Variants in MYB observed in about 807,000 individuals in gnomAD.
The protein encoded by MYB is MYB proto-oncogene, transcription factor.
MYB carries 28 observed loss-of-function variants against 92.9 expected under a neutral mutation model. The ratio of observed to expected loss-of-function variants is 0.30; its 90% CI spans 0.22 to 0.41. MYB has a LOEUF of 0.41. MYB is among the 10% of genes least tolerant of loss of function. The pLI is 1.00. For missense variants in MYB, 679 were observed against 929.3 expected (o/e 0.73, Z 3.50); for synonymous variants, 295 against 329.1 (o/e 0.90, Z 1.12).
chr6:135,207,397 G>A (rs1300231092), intron 15 of MYB, among the ~76,000 whole-genome samples: 1 of 152,142 alleles, frequency 6.6e-6, no homozygotes, highest in Non-Finnish European at 1.5e-5. Flanking sequence ...AATAACTTAG[G>A]TTCAAGAACA....
At chr6:135,203,169 C>A (rs1353067833) in intron 14 of MYB, 48 bp from the exon 15 acceptor site, 1 of 1,353,574 alleles carries the variant, frequency 7.4e-7, no homozygotes, top group Non-Finnish European at 1.1e-6. Context: ...ATGTGGCTCT[C>A]ATATTATCCA....
At chr6:135,215,253 C>A (rs1208722861) in intron 15 of MYB, among the ~76,000 whole-genome samples, 1 of 152,210 alleles carries the variant, frequency 6.6e-6, no homozygotes, top group Non-Finnish European at 1.5e-5. Flanking sequence ...AATTATGTTT[C>A]TTTGCTAAGA....
intron 15 of MYB, chr6:135,203,656 A>G: frequency 7.9e-7 from 1 of 1,263,166 alleles, no homozygotes; most frequent in Non-Finnish European, 1.1e-6. Context: ...TTTTATAAAA[A>G]TATATCAATA....
At chr6:135,195,509 T>C in intron 8 of MYB, 1 of 509,670 alleles carries the variant, frequency 2.0e-6, no homozygotes. Context: ...ATTTGACATT[T>C]TTACAAAATG....
intron 4 of MYB, 103 bp downstream of exon 4, chr6:135,189,986 T>G: frequency 7.2e-7 from 1 of 1,390,628 alleles, no homozygotes; most frequent in South Asian, 1.3e-5. Context: ...AAACAGGAAG[T>G]AGAGGACTCT....
At position 135,199,025 on chromosome 6, in the gene MYB, G is replaced by C. The variant is rs1431127651; in HGVS notation, c.1684G>C (p.Val562Leu). ...AACACCATTTCATAGAGACCAGACTGTGAAAACTCAAAAGGAAAATACTGT... is the reference window on the plus strand; with the variant it reads ...AACACCATTTCATAGAGACCAGACTCTGAAAACTCAAAAGGAAAATACTGT... ...VTTPFHRDQTVKTQKENTVFR... is the reference protein window; with the variant it reads ...VTTPFHRDQTLKTQKENTVFR... The change falls in exon 11 of 16, where the codon GTG (valine) becomes CTG (leucine). Residue 562 changes from valine to leucine, a missense_variant. By Grantham distance (32) the Val-to-Leu change is conservative (BLOSUM62 1). Around this residue, in one of 8 missense-constraint regions of MYB, gnomAD observed 402 missense variants for 434.2 expected, o/e 0.93. Transcript: ENST00000341911. The C allele has an allele frequency of 5.6e-6, 9 of 1,605,274 alleles. No individual in the cohort carries two copies. Among genetic ancestry groups the C allele is most frequent in the Non-Finnish European group, 7.7e-6 (9 of 1,176,364 alleles).
rs1777705433 is a variant in MYB, at chr6:135,199,001, A to G, written c.1660A>G (p.Thr554Ala). Reference protein sequence around the residue: ...PLIGHKLTVTTPFHRDQTVKT... With the variant: ...PLIGHKLTVTAPFHRDQTVKT... ...CATTGGTCACAAATTGACTGTTACA[A>G]CACCATTTCATAGAGACCAGACTGT... The change falls in exon 11 of 16, where the codon ACA (threonine) becomes GCA (alanine). Residue 554 changes from threonine (T) to alanine (A), a missense_variant. Coordinates refer to ENST00000341911, the MANE Select transcript of MYB (RefSeq NM_001130173.2). 4 of 1,612,460 alleles carry G rather than the reference A, an allele frequency of 2.5e-6. No individual in the cohort carries two copies. Among genetic ancestry groups the G allele is most frequent in the Non-Finnish European group, 3.4e-6 (4 of 1,178,824 alleles).
In MYB at chr6:135,201,749, G is replaced by A. The variant is rs779897558; in HGVS notation, c.2061G>A (p.Pro687=). 61 of 1,465,916 alleles carry A rather than the reference G, an allele frequency of 4.2e-5. No individual in the cohort carries two copies. Among genetic ancestry groups the A allele is most frequent in the African/African-American group, 8.6e-5 (6 of 69,848 alleles). 90.8% of individuals were successfully genotyped at this position (1,465,916 alleles called of 1,614,324 possible). Residue 687 remains proline (P), a splice_region_variant and synonymous_variant, in exon 14 of 16, where the codon CCG becomes CCA. Coordinates refer to ENST00000341911, the MANE Select transcript of MYB (RefSeq NM_001130173.2). ...AGACCTCGCCTGTGGCAGATGCACC[G>A]GTAAGTACGTGTGCACCAGCCCCCA... The part of the protein sequence containing the change: ...FTQTSPVADA[P]NILTSSVLMA...
chr6:135,184,126 C>T (rs1325414370), intron 1 of MYB, among the ~76,000 whole-genome samples: 1 of 152,070 alleles, frequency 6.6e-6, no homozygotes, highest in Non-Finnish European at 1.5e-5. Flanking sequence ...AAAATGTGCT[C>T]AGTTCTGAAA....
intron 15 of MYB, among the ~76,000 whole-genome samples, chr6:135,206,222 A>AAAC (rs1554254437): frequency 7.9e-6 from 1 of 126,938 alleles, no homozygotes; most frequent in African/African-American, 3.0e-5. Flanking sequence ...AAAAAAAAAA[A>AAAC]AAAAATAATA....
chr6:135,197,093 G>C lies in MYB; in HGVS notation c.1336G>C (p.Glu446Gln). 6.2e-7 allele frequency: 1 copy of C among 1,614,000 alleles called. No individual in the cohort carries two copies. Among genetic ancestry groups the C allele is most frequent in the Non-Finnish European group, 8.5e-7 (1 of 1,179,906 alleles). The change falls in exon 10 of 16, where the codon GAA becomes CAA. Residue 446 changes from glutamate (E) to glutamine (Q), a missense_variant. Transcript: ENST00000341911. ...GGGCAATGGGACTAAACCTGCAGGAGAACCTAGCCCAAGGGTGAACAAACG... is the reference window on the plus strand; with the variant it reads ...GGGCAATGGGACTAAACCTGCAGGACAACCTAGCCCAAGGGTGAACAAACG... Reference protein sequence around the residue: ...REGNGTKPAGEPSPRVNKRML... With the variant: ...REGNGTKPAGQPSPRVNKRML...
intron 1 of MYB, among the ~76,000 whole-genome samples, chr6:135,185,534 A>G (rs936807864): frequency 2.0e-5 from 3 of 152,244 alleles, no homozygotes; most frequent in South Asian, 2.1e-4. Context: ...GTGCACTTAT[A>G]TAAAGGACAT....
At position 135,195,546 on chromosome 6, in the gene MYB, C is replaced by T. The variant is rs1777183031; in HGVS notation, c.949-202C>T. 10 of 592,370 alleles carry T rather than the reference C, an allele frequency of 1.7e-5. No individual in the cohort carries two copies. The South Asian group carries it at 2.0e-4, about 12-fold the overall frequency. 36.7% of individuals were successfully genotyped at this position (592,370 alleles called of 1,614,324 possible). A position where few individuals can be genotyped will look rare whatever the true frequency, so the allele number is the denominator to read the frequency against. ...TAACAAGGTAATCATATAGGTACAA[C>T]CTCTAGCACTATTAAAAACAGGGTC... On this transcript the variant is annotated intron_variant, in intron 8 of 15. Coordinates refer to ENST00000341911, the MANE Select transcript of MYB (RefSeq NM_001130173.2).
At chr6:135,204,330 A>T (rs1487433659) in intron 15 of MYB, among the ~76,000 whole-genome samples, 2 of 152,138 alleles carry the variant, frequency 1.3e-5, no homozygotes, top group Admixed American at 1.3e-4. Flanking sequence ...ACAGGGTCTT[A>T]CCCGGTGGCC....
At chr6:135,211,692 A>G (rs140778948) in intron 15 of MYB, among the ~76,000 whole-genome samples, 98 of 152,288 alleles carry the variant, frequency 6.4e-4, no homozygotes, top group African/African-American at 2.3e-3. Flanking sequence ...ACCTCTAGAG[A>G]CATCGGGGAC....
rs749563814 is a variant in MYB at position 135,217,857 on chromosome 6, C to G, written c.2170-7C>G. Reference sequence around the variant, plus strand: ...GACGCTCCTGTTGCCATCCCTTTCTCCATCAGCCTTGTAGCAGTACCTGGG... The same window carrying G: ...GACGCTCCTGTTGCCATCCCTTTCTGCATCAGCCTTGTAGCAGTACCTGGG... On this transcript the variant is annotated splice_region_variant and splice_polypyrimidine_tract_variant and intron_variant, in intron 15 of 15. Coordinates refer to ENST00000341911, the MANE Select transcript of MYB (RefSeq NM_001130173.2). 6.3e-7 allele frequency: 1 copy of G among 1,585,094 alleles called. No homozygotes were observed. Among genetic ancestry groups the G allele is most frequent in the Non-Finnish European group, 8.7e-7 (1 of 1,153,736 alleles).
chr6:135,204,443 T>C (rs1297324121), intron 15 of MYB, among the ~76,000 whole-genome samples: 1 of 152,108 alleles, frequency 6.6e-6, no homozygotes, highest in Non-Finnish European at 1.5e-5. Context: ...GAATTACAGG[T>C]GTGAGCCACC....
chr6:135,217,578 TC>T (rs1021432520), intron 15 of MYB, among the ~76,000 whole-genome samples: 25 of 152,196 alleles, frequency 1.6e-4, no homozygotes, highest in Admixed American at 1.6e-3. Flanking sequence ...CATTCCTGTC[TC>T]CAGCTTTGTA....
At chr6:135,197,757 ACTAGAAAATTTAAAG>A (rs1180609261) in intron 10 of MYB, among the ~76,000 whole-genome samples, 6 of 152,226 alleles carry the variant, frequency 3.9e-5, no homozygotes, top group Admixed American at 6.5e-5. Flanking sequence ...TTGGGTTGCA[ACTAGAAAATTTAAAG>A]CTAGAAAATT....
Sources: gnomAD v4.1 joint callset for allele counts (sites outside exome capture counted in the v4.1 genomes callset) on GRCh38, gnomAD v4.1.1 for gene constraint, gnomAD v4.1.1 regional missense constraint, MANE v1.5 for transcripts, NCBI Gene and HGNC (gene_info 2026-07-23, HGNC 2026-07-21) for gene names.